RRM2: variants seen among roughly 807,000 people sequenced by gnomAD.
RRM2 encodes ribonucleotide reductase regulatory subunit M2, also known as ribonucleoside-diphosphate reductase subunit M2.
Under a neutral mutation model 45.9 loss-of-function variants are expected in RRM2, and 6 were observed. The observed-to-expected ratio is 0.13, with a 90% CI of 0.07 to 0.26. RRM2 has a LOEUF of 0.26. RRM2 is among the 10% of genes least tolerant of loss of function. The pLI is 1.00. For missense variants in RRM2, 343 were observed against 489.5 expected, an observed-to-expected ratio of 0.70 and a Z score of 2.82; for synonymous variants, 177 against 173.0, an observed-to-expected ratio of 1.02 and a Z score of -0.18.
upstream of RRM2, chr2:10,141,263 C>T (rs1276675440): frequency 1.3e-5 from 2 of 154,746 alleles, no homozygotes; most frequent in African/African-American, 4.8e-5. Flanking sequence ...CAGTTATGTG[C>T]TCTGGGACTC....
At chr2:10,147,186 C>T (rs559678805) in intron 3 of RRM2, among the ~76,000 whole-genome samples, 131 of 152,230 alleles carry the variant, frequency 8.6e-4, no homozygotes, top group Admixed American at 1.8e-3. Flanking sequence ...CTCTCGACCG[C>T]GTGATCTGCC....
chr2:10,154,837 C>G (rs917931924), intron 3 of RRM2, among the ~76,000 whole-genome samples: 2 of 151,738 alleles, frequency 1.3e-5, no homozygotes, highest in African/African-American at 2.4e-5. Context: ...GCTGGGATTA[C>G]AGGCATGCGC....
upstream of RRM2, among the ~76,000 whole-genome samples, chr2:10,139,709 CTG>C (rs1327252142): frequency 6.6e-6 from 1 of 152,200 alleles, no homozygotes. Flanking sequence ...GAGAGCTGGA[CTG>C]TCCCAGGCCC....
intron 3 of RRM2, among the ~76,000 whole-genome samples, chr2:10,184,234 C>G (rs1240109423): frequency 6.6e-6 from 1 of 151,784 alleles, no homozygotes; most frequent in Non-Finnish European, 1.5e-5. Flanking sequence ...AGATCTTGGA[C>G]CAGCACCGGC....
At chr2:10,210,501 G>T (rs372624987) in exon 4 of RRM2, 2 of 1,367,678 alleles carry the variant, frequency 1.5e-6, no homozygotes, top group South Asian at 2.3e-5. Context: ...CACAGAGGGC[G>T]CTGGGCTCCA....
In RRM2 at chr2:10,123,042, G is replaced by A; in HGVS notation, c.159G>A (p.Gln53=). 4 of 1,562,998 alleles carry A rather than the reference G, an allele frequency of 2.6e-6. No individual in the cohort carries two copies. The highest frequency in any genetic ancestry group is 3.4e-6 in the Non-Finnish European group (4 of 1,161,752). Reference sequence around the variant, plus strand: ...GCAAGACCGCGAGGAGGATCTTCCAGGAGCCCACGGAGCCGGTGAGTGGCG... The same window carrying A: ...GCAAGACCGCGAGGAGGATCTTCCAAGAGCCCACGGAGCCGGTGAGTGGCG... ...LASKTARRIF[Q]EPTEPKTKAA... The change falls in exon 2 of 10, where the codon CAG becomes CAA. Residue 53 remains glutamine (Q), a synonymous_variant. Coordinates refer to ENST00000304567, the MANE Select transcript of RRM2 (RefSeq NM_001034.4).
rs544769371 is a variant in RRM2, at chr2:10,165,826, C to G, written n.482+23451C>G. On this transcript the variant is annotated intron_variant and non_coding_transcript_variant, in intron 3 of 3. Coordinates refer to the RRM2 transcript ENST00000381786. ...ACTCACTGGAATAAGTGCAGGGGTCCAGGGCCTGCTGATTGCTTCCTGGTC... is the reference window on the plus strand; with the variant it reads ...ACTCACTGGAATAAGTGCAGGGGTCGAGGGCCTGCTGATTGCTTCCTGGTC... Among the ~76,000 whole-genome samples, 4 of 152,344 alleles carry G rather than the reference C, an allele frequency of 2.6e-5. No homozygotes were observed. In the South Asian group the frequency reaches 8.3e-4, roughly 32 times the overall value.
At chr2:10,124,650 A>C in intron 4 of RRM2, 67 bp from the exon 5 acceptor site, 2 of 1,570,652 alleles carry the variant, frequency 1.3e-6, no homozygotes, top group Non-Finnish European at 1.7e-6. Flanking sequence ...CGATGCTGCC[A>C]GTATCCGTTG....
At chr2:10,144,634 G>A (rs1663152030) in intron 3 of RRM2, among the ~76,000 whole-genome samples, 1 of 152,208 alleles carries the variant, frequency 6.6e-6, no homozygotes, top group Non-Finnish European at 1.5e-5. Flanking sequence ...TAGCCAAGTT[G>A]TTGAGAAATT....
chr2:10,180,081 C>A (rs1175179145), intron 3 of RRM2, among the ~76,000 whole-genome samples: 1 of 152,174 alleles, frequency 6.6e-6, no homozygotes, highest in East Asian at 1.9e-4. Flanking sequence ...CCCACGGCTC[C>A]CTTCCCCCAG....
At chr2:10,198,414 T>C (rs540722080) in intron 3 of RRM2, among the ~76,000 whole-genome samples, 1 of 152,156 alleles carries the variant, frequency 6.6e-6, no homozygotes, top group Non-Finnish European at 1.5e-5. Context: ...CATTTTTTTT[T>C]TTTTTTTAGA....
chr2:10,146,588 C>T (rs987361610), intron 3 of RRM2, among the ~76,000 whole-genome samples: 5 of 152,240 alleles, frequency 3.3e-5, no homozygotes, highest in Admixed American at 2.6e-4. Flanking sequence ...CGCTGTGTCC[C>T]CTCTGTCCCT....
intron 3 of RRM2, among the ~76,000 whole-genome samples, chr2:10,203,044 G>A (rs528719725): frequency 6.6e-6 from 1 of 152,214 alleles, no homozygotes. Flanking sequence ...AAAGGCCAGC[G>A]AGGGAGAAGT....
In RRM2 at chr2:10,169,147, AT is replaced by A. The variant is rs35438376; in HGVS notation, n.482+26787del. Reference sequence around the variant, plus strand: ...GTCACCATGCCCAGCTACTTTTTGTATTTTTTTTTTTTTTTGTAGAGATGGG... The same window carrying A: ...GTCACCATGCCCAGCTACTTTTTGTATTTTTTTTTTTTTTGTAGAGATGGG... On this transcript the variant is annotated intron_variant and non_coding_transcript_variant, in intron 3 of 3. Transcript: ENST00000381786. The surrounding 1 kb of genome is among the most constrained non-coding windows in gnomAD (Gnocchi z 5.1). Among the ~76,000 whole-genome samples, 9,821 of 137,486 alleles carry A rather than the reference AT, an allele frequency of 0.071. 493 individuals are homozygous for A. The highest frequency in any genetic ancestry group is 0.15 in the African/African-American group (5,554 of 37,152). 90.2% of individuals were successfully genotyped at this position (137,486 alleles called of 152,430 possible).
chr2:10,148,575 T>A (rs1663242383), intron 3 of RRM2, among the ~76,000 whole-genome samples: 1 of 152,224 alleles, frequency 6.6e-6, no homozygotes, highest in Non-Finnish European at 1.5e-5. Flanking sequence ...GAGTCTAACT[T>A]CTATTTTGTT....
chr2:10,124,976 C>T, intron 5 of RRM2, 126 bp downstream of exon 5: 1 of 825,868 alleles, frequency 1.2e-6, no homozygotes, highest in Admixed American at 2.6e-5. Context: ...GCATTCCCAG[C>T]ACCCGTGGTC....
intron 3 of RRM2, among the ~76,000 whole-genome samples, chr2:10,193,464 T>C (rs1045563307): frequency 3.9e-5 from 6 of 152,210 alleles, no homozygotes; most frequent in Admixed American, 2.0e-4. Context: ...TGTCCCCCAC[T>C]GTCCCTCCAT....
At chr2:10,136,786 C>G (rs113538909), upstream of RRM2, among the ~76,000 whole-genome samples, 2 of 152,242 alleles carry the variant, frequency 1.3e-5, no homozygotes, top group African/African-American at 4.8e-5. Flanking sequence ...AACAAATACC[C>G]TGGCCATAGC....
chr2:10,133,703 ATTTT>A (rs33987822), downstream of RRM2, among the ~76,000 whole-genome samples: 20 of 133,228 alleles, frequency 1.5e-4, no homozygotes, highest in African/African-American at 1.7e-4. Context: ...TGACATCAGG[ATTTT>A]TTTTTTTTTT....
Sources: gnomAD v4.1 joint callset for allele counts (sites outside exome capture counted in the v4.1 genomes callset) on GRCh38, gnomAD v4.1.1 for gene constraint, Gnocchi (gnomAD v3.1) non-coding constraint, MANE v1.5 for transcripts, NCBI Gene and HGNC (gene_info 2026-07-23, HGNC 2026-07-21) for gene names.